SORBS2: variants seen among roughly 807,000 people sequenced by gnomAD.
SORBS2 encodes the protein sorbin and SH3 domain-containing protein 2.
SORBS2 carries 46 observed loss-of-function variants against 97.7 expected under a neutral mutation model. The observed-to-expected ratio is 0.47, with a 90% CI of 0.37 to 0.60. The LOEUF (loss-of-function observed/expected upper bound fraction) is 0.60. SORBS2 is among the 20% of genes least tolerant of loss of function. The pLI is 0.00. For missense variants in SORBS2, 1,316 were observed against 1,282.3 expected (o/e 1.03, Z -0.40); for synonymous variants, 476 against 473.4 (o/e 1.01, Z -0.07).
intron 1 of SORBS2, among the ~76,000 whole-genome samples, chr4:185,819,716 G>A (rs903338565): frequency 6.6e-6 from 1 of 152,148 alleles, no homozygotes; most frequent in African/African-American, 2.4e-5. Flanking sequence ...GGTGGGTTGC[G>A]GAAGCACCCT....
chr4:185,740,796 C>T (rs1312477142), intron 2 of SORBS2, among the ~76,000 whole-genome samples: 4 of 152,042 alleles, frequency 2.6e-5, no homozygotes, highest in Non-Finnish European at 5.9e-5. Context: ...CAGCCCAGCA[C>T]CAACTCAGCC....
At chr4:185,841,111 A>G (rs2099211241) in intron 1 of SORBS2, among the ~76,000 whole-genome samples, 1 of 152,252 alleles carries the variant, frequency 6.6e-6, no homozygotes, top group African/African-American at 2.4e-5. Flanking sequence ...TTGCGGAAGA[A>G]CAAAGATGTT....
At chr4:185,951,834 G>A (rs12503924) in intron 1 of SORBS2, among the ~76,000 whole-genome samples, 26,737 of 152,102 alleles carry the variant, frequency 0.18, 2,978 homozygotes, top group East Asian at 0.58. Context: ...GAAATAAATC[G>A]GGTTAGTGAG....
At chr4:185,705,793 G>A (rs1156746625) in intron 2 of SORBS2, among the ~76,000 whole-genome samples, 2 of 152,122 alleles carry the variant, frequency 1.3e-5, no homozygotes, top group African/African-American at 2.4e-5. Context: ...AGGGGCTTGA[G>A]GATTCCCCTC....
At chr4:185,754,861 C>G (rs565975352) in intron 2 of SORBS2, among the ~76,000 whole-genome samples, 6 of 152,228 alleles carry the variant, frequency 3.9e-5, no homozygotes, top group Admixed American at 3.9e-4. Flanking sequence ...ATGAGGCAGA[C>G]CTGGAAGGGC....
At chr4:185,668,936 C>G (rs1446234326) in intron 4 of SORBS2, among the ~76,000 whole-genome samples, 1 of 152,248 alleles carries the variant, frequency 6.6e-6, no homozygotes, top group Non-Finnish European at 1.5e-5. Context: ...AGCTAGCAGC[C>G]AGGGGCTGCC....
At chr4:185,706,498 G>C (rs954426134) in intron 2 of SORBS2, among the ~76,000 whole-genome samples, 1 of 152,054 alleles carries the variant, frequency 6.6e-6, no homozygotes, top group African/African-American at 2.4e-5. Flanking sequence ...CACAATCCTT[G>C]GTGCATGACA....
At chr4:185,791,887 T>G (rs2099081822) in intron 1 of SORBS2, among the ~76,000 whole-genome samples, 1 of 152,148 alleles carries the variant, frequency 6.6e-6, no homozygotes, top group Admixed American at 6.5e-5. Context: ...GTAGAGCTAA[T>G]CATTCTTAAT....
rs1055830007 is a variant in SORBS2 at position 185,684,090 on chromosome 4, C to T, written c.-197-5268G>A. ...TCAGGGTCTGGAGGCACTGGGCTTG[C>T]TGGCCTCCCTTTGACCTTCTAACAG... On this transcript the variant is annotated intron_variant, in intron 2 of 20. Coordinates refer to the SORBS2 transcript ENST00000284776. This position sits in a 1 kb window ranked among gnomAD's most constrained non-coding sequence, Gnocchi z 4.2. 1.3e-5 allele frequency among the ~76,000 whole-genome samples: 2 copies of T among 152,132 alleles called. No individual in the cohort carries two copies. Among genetic ancestry groups the T allele is most frequent in the African/African-American group, 4.8e-5 (2 of 41,414 alleles).
At chr4:185,596,715 A>G (rs770336964) in intron 12 of SORBS2, among the ~76,000 whole-genome samples, 91 of 151,704 alleles carry the variant, frequency 6.0e-4, no homozygotes, top group Non-Finnish European at 1.6e-4. Context: ...TTGTATTTTT[A>G]GTAGAGACAG....
chr4:185,674,812 T>C, intron 4 of SORBS2, among the ~76,000 whole-genome samples: 1 of 152,200 alleles, frequency 6.6e-6, no homozygotes, highest in Middle Eastern at 3.2e-3. Context: ...CCTTCAAAGC[T>C]GTTCTCTTTT....
At chr4:185,950,239 A>C (rs942001041) in intron 1 of SORBS2, among the ~76,000 whole-genome samples, 1 of 109,206 alleles carries the variant, frequency 9.2e-6, no homozygotes, top group Non-Finnish European at 1.9e-5. Flanking sequence ...GCAACGAGCA[A>C]GACTGTCTCA....
rs116783554 is a variant in SORBS2, at chr4:185,609,129, C to T, written c.2796+2651G>A. ...ACAGTGAGACTGCACGTGTGGTTTG[C>T]GCCTAGGTAGACAGCCACTCCTGTT... is the stretch of plus-strand genomic sequence containing the variant. On this transcript the variant is annotated intron_variant, in intron 12 of 14. Coordinates refer to ENST00000418609, the Ensembl canonical transcript of SORBS2. Among the ~76,000 whole-genome samples, 1,254 of 152,080 alleles carry T rather than the reference C, an allele frequency of 8.2e-3. 16 individuals carry two copies. The highest frequency in any genetic ancestry group is 0.029 in the African/African-American group (1,216 of 41,468).
At chr4:185,790,211 G>T (rs6816438) in intron 1 of SORBS2, among the ~76,000 whole-genome samples, 56,333 of 151,756 alleles carry the variant, frequency 0.37, 12,479 homozygotes, top group East Asian at 0.78. Flanking sequence ...AAAAAAAATT[G>T]TTAAACTACA....
chr4:185,622,412 C>T (rs1442000944), intron 7 of SORBS2, among the ~76,000 whole-genome samples: 1 of 152,198 alleles, frequency 6.6e-6, no homozygotes, highest in Non-Finnish European at 1.5e-5. Flanking sequence ...ACCCTAATTT[C>T]TTTGTGTCCA....
intron 12 of SORBS2, among the ~76,000 whole-genome samples, chr4:185,598,658 TTA>T (rs2096178281): frequency 6.6e-6 from 1 of 152,242 alleles, no homozygotes; most frequent in African/African-American, 2.4e-5. Flanking sequence ...TAAAGTGTTT[TTA>T]TCTTTTTTTA....
At chr4:185,712,627 C>T (rs541097357) in intron 2 of SORBS2, among the ~76,000 whole-genome samples, 112 of 152,342 alleles carry the variant, frequency 7.4e-4, no homozygotes, top group African/African-American at 1.9e-3. Flanking sequence ...CACTGCAACA[C>T]GCCCTCTGGG....
chr4:185,612,576 A>G (rs2096558137), intron 11 of SORBS2, among the ~76,000 whole-genome samples: 1 of 145,406 alleles, frequency 6.9e-6, no homozygotes, highest in Non-Finnish European at 1.5e-5. Context: ...TGCAACCCGC[A>G]CCTCCTGGGT....
chr4:185,827,023 A>C (rs1001626347), intron 1 of SORBS2, among the ~76,000 whole-genome samples: 4 of 151,868 alleles, frequency 2.6e-5, no homozygotes, highest in African/African-American at 9.7e-5. Context: ...CATCATCATC[A>C]TCACCATCAC....
Sources: allele counts gnomAD v4.1 joint callset (sites outside exome capture counted in the v4.1 genomes callset), GRCh38; gene constraint gnomAD v4.1.1; non-coding constraint Gnocchi (gnomAD v3.1); transcripts MANE v1.5; gene names NCBI Gene and HGNC (gene_info 2026-07-23, HGNC 2026-07-21).